MTHFD1L: variants seen among roughly 807,000 people sequenced by gnomAD.
The protein encoded by MTHFD1L is methylenetetrahydrofolate dehydrogenase (NADP+ dependent) 1 like, also known as monofunctional C1-tetrahydrofolate synthase, mitochondrial.
Under a neutral mutation model 119.5 loss-of-function variants are expected in MTHFD1L, and 81 were observed. The ratio of observed to expected loss-of-function variants is 0.68; its 90% CI spans 0.57 to 0.82. MTHFD1L has a LOEUF of 0.82. Among genes scored for constraint, MTHFD1L ranks in the 40% least tolerant of loss-of-function variants. The pLI, the probability that MTHFD1L is intolerant of heterozygous loss-of-function variation, is 0.00. For missense variants in MTHFD1L, 1,125 were observed against 1,253.4 expected (o/e 0.90, Z 1.55); for synonymous variants, 430 against 475.2 (o/e 0.90, Z 1.24).
Position 150,882,818 on chromosome 6 carries a change from T to C in MTHFD1L, c.474T>C (p.Leu158=). ...ATACCAGAGTACATGGCCTTGCCCT[T>C]CAGATCTCTGAGAACTTGTTTAGCA... ...NEDTRVHGLA[L]QISENLFSNK... Residue 158 remains leucine (L), a synonymous_variant, in exon 5 of 28, where the codon CTT becomes CTC. Transcript: ENST00000367321. 12 of 1,579,732 alleles carry C rather than the reference T, an allele frequency of 7.6e-6. No individual in the cohort carries two copies. Among genetic ancestry groups the C allele is most frequent in the Non-Finnish European group, 1.0e-5 (12 of 1,168,898 alleles).
At chr6:150,949,217 A>G in intron 16 of MTHFD1L, 84 bp downstream of exon 16, 1 of 1,071,986 alleles carries the variant, frequency 9.3e-7, no homozygotes, top group Non-Finnish European at 1.4e-6. Context: ...AGAAACTTAC[A>G]GTTTGATCCT....
chr6:151,008,529 A>C (rs1321663654), intron 20 of MTHFD1L, among the ~76,000 whole-genome samples: 2 of 152,134 alleles, frequency 1.3e-5, no homozygotes, highest in Non-Finnish European at 2.9e-5. Flanking sequence ...GCTCTCAGAT[A>C]CTGCTGATGC....
chr6:150,993,007 G>A lies in MTHFD1L; in HGVS notation c.2126-16812G>A, dbSNP rs574989918. ...TTTTAATGAGGTTTTAAATTTTTTC[G>A]TATGTTTGAGTGTTTATGCAAACAA... is the stretch of plus-strand genomic sequence containing the variant. On this transcript the variant is annotated intron_variant, in intron 20 of 27. Coordinates refer to ENST00000367321, the MANE Select transcript of MTHFD1L (RefSeq NM_015440.5). Among the ~76,000 whole-genome samples the A allele has an allele frequency of 3.2e-4, 49 of 152,198 alleles. 1 individual carries two copies. The highest frequency in any genetic ancestry group is 1.0e-3 in the African/African-American group (43 of 41,534).
intron 20 of MTHFD1L, among the ~76,000 whole-genome samples, chr6:151,000,335 C>CAAAAA (rs946814251): frequency 1.3e-5 from 1 of 75,330 alleles, no homozygotes; most frequent in Non-Finnish European, 3.0e-5. Flanking sequence ...GACTCTGTCT[C>CAAAAA]AAAAAAAAAA....
chr6:151,053,028 T>C (rs1055624199), intron 26 of MTHFD1L, among the ~76,000 whole-genome samples: 2 of 152,366 alleles, frequency 1.3e-5, no homozygotes, highest in East Asian at 1.9e-4. Context: ...CTAAATGGAC[T>C]ATTATTTGCT....
At chr6:151,007,292 G>C (rs1000315674) in intron 20 of MTHFD1L, among the ~76,000 whole-genome samples, 12 of 151,974 alleles carry the variant, frequency 7.9e-5, no homozygotes, top group African/African-American at 2.9e-4. Flanking sequence ...TTGAATAGCA[G>C]ATGTTCTCTC....
At chr6:150,919,326 A>T (rs7738574) in intron 9 of MTHFD1L, among the ~76,000 whole-genome samples, 1 of 151,388 alleles carries the variant, frequency 6.6e-6, no homozygotes, top group Non-Finnish European at 1.5e-5. Flanking sequence ...TGGGTTTAAG[A>T]GATTCTCATG....
intron 24 of MTHFD1L, among the ~76,000 whole-genome samples, chr6:151,019,496 G>T (rs1333769360): frequency 6.6e-6 from 1 of 151,928 alleles, no homozygotes; most frequent in Admixed American, 6.5e-5. Flanking sequence ...CTGCTAAAAT[G>T]TCAGCTCTCT....
intron 9 of MTHFD1L, among the ~76,000 whole-genome samples, chr6:150,918,933 A>G (rs1788440625): frequency 1.3e-5 from 2 of 152,138 alleles, no homozygotes; most frequent in African/African-American, 4.8e-5. Flanking sequence ...AAATTTAGCA[A>G]CTGAAGCAAC....
intron 24 of MTHFD1L, among the ~76,000 whole-genome samples, chr6:151,017,430 T>G (rs1783255571): frequency 6.6e-6 from 1 of 151,878 alleles, no homozygotes; most frequent in Admixed American, 6.6e-5. Context: ...CACCGCAACC[T>G]TCTGCTCTCG....
In MTHFD1L at chr6:151,034,583, G is replaced by C. The variant is rs778171987; in HGVS notation, c.2677G>C (p.Asp893His). The stretch of plus-strand genomic sequence containing the variant: ...CTCTCCTGAGGCACAAGCCAAAATA[G>C]ATCGTTACACTCAACAGGTAAAAGT... ...ELSPEAQAKI[D>H]RYTQQGFGNL... is the part of the protein sequence containing the mutation. Residue 893 changes from aspartate (D) to histidine (H), a missense_variant, in exon 25 of 28, where the codon GAT becomes CAT. Around this residue, in one of 3 missense-constraint regions of MTHFD1L, gnomAD observed 1,058 missense variants for 1,151.2 expected, o/e 0.92. Transcript: ENST00000367321. 54 of 1,609,808 alleles carry C rather than the reference G, an allele frequency of 3.4e-5. 1 individual carries two copies. The South Asian group carries it at 5.9e-4, about 18-fold the overall frequency.
chr6:150,955,244 T>C (rs535920031), intron 16 of MTHFD1L, among the ~76,000 whole-genome samples: 1 of 152,304 alleles, frequency 6.6e-6, no homozygotes, highest in Non-Finnish European at 1.5e-5. Context: ...AGTACTTGCC[T>C]TTCTGTGTCT....
intron 24 of MTHFD1L, among the ~76,000 whole-genome samples, chr6:151,018,581 G>A (rs531351329): frequency 6.6e-6 from 1 of 152,324 alleles, no homozygotes; most frequent in Admixed American, 6.5e-5. Context: ...GGAAGAGGCA[G>A]AGCTGGGAGA....
intron 20 of MTHFD1L, among the ~76,000 whole-genome samples, chr6:150,984,864 T>C (rs1487010317): frequency 6.6e-6 from 1 of 152,220 alleles, no homozygotes; most frequent in Non-Finnish European, 1.5e-5. Context: ...TTTTCCGCTA[T>C]AATACAATGA....
At chr6:151,006,953 C>T (rs887377938) in intron 20 of MTHFD1L, among the ~76,000 whole-genome samples, 4 of 152,042 alleles carry the variant, frequency 2.6e-5, no homozygotes, top group African/African-American at 7.3e-5. Flanking sequence ...GAAAAAAATG[C>T]GTAACATTTG....
At chr6:150,979,297 AGTACCAATATAACTATATT>A (rs953513447) in intron 20 of MTHFD1L, among the ~76,000 whole-genome samples, 176 of 152,312 alleles carry the variant, frequency 1.2e-3, no homozygotes, top group African/African-American at 3.8e-3. Flanking sequence ...AGTTACAGGA[AGTACCAATATAACTATATT>A]GTACCAATAT....
intron 27 of MTHFD1L, among the ~76,000 whole-genome samples, chr6:151,096,442 A>G (rs1005978770): frequency 6.6e-6 from 1 of 152,186 alleles, no homozygotes; most frequent in African/African-American, 2.4e-5. Context: ...AAACCACTAT[A>G]CAAAGCAAAC....
intron 20 of MTHFD1L, among the ~76,000 whole-genome samples, chr6:151,003,260 C>G (rs534535636): frequency 2.6e-5 from 4 of 152,116 alleles, no homozygotes; most frequent in Non-Finnish European, 4.4e-5. Flanking sequence ...GGCCGGGCGC[C>G]GTGGCTCACG....
intron 8 of MTHFD1L, among the ~76,000 whole-genome samples, chr6:150,911,827 C>T (rs921216977): frequency 1.3e-5 from 2 of 152,058 alleles, no homozygotes; most frequent in Admixed American, 6.6e-5. Context: ...GATGCAAAAG[C>T]GGAAACCCCT....
Sources: allele counts gnomAD v4.1 joint callset (sites outside exome capture counted in the v4.1 genomes callset), GRCh38; gene constraint gnomAD v4.1.1; regional missense constraint gnomAD v4.1.1; transcripts MANE v1.5; gene names NCBI Gene and HGNC (gene_info 2026-07-23, HGNC 2026-07-21).